Variants in RPRD1A observed in about 807,000 individuals in gnomAD.
The protein encoded by RPRD1A is regulation of nuclear pre-mRNA domain containing 1A.
Under a neutral mutation model 37.8 loss-of-function variants are expected in RPRD1A, and 9 were observed. The observed-to-expected ratio is 0.24, with a 90% CI of 0.14 to 0.42. The LOEUF (loss-of-function observed/expected upper bound fraction) is 0.42. RPRD1A is among the 10% of genes least tolerant of loss of function. RPRD1A has a pLI of 1.00. For synonymous variants in RPRD1A, 138 were observed against 139.7 expected (o/e 0.99, Z 0.08); for missense variants, 255 against 371.0 (o/e 0.69, Z 2.57).
intron 1 of RPRD1A, among the ~76,000 whole-genome samples, chr18:36,037,248 A>G (rs1195086544): frequency 6.6e-6 from 1 of 151,734 alleles, no homozygotes; most frequent in African/African-American, 2.4e-5. Flanking sequence ...CCATAATCCC[A>G]TGTCATAGGA....
chr18:36,011,734 AC>A (rs1910190676), intron 6 of RPRD1A, among the ~76,000 whole-genome samples: 1 of 152,206 alleles, frequency 6.6e-6, no homozygotes, highest in South Asian at 2.1e-4. Context: ...CCTTCCACAA[AC>A]AAAAAAGCTC....
At chr18:36,044,746 TAAA>T (rs1386497165) in intron 1 of RPRD1A, among the ~76,000 whole-genome samples, 3 of 151,614 alleles carry the variant, frequency 2.0e-5, no homozygotes, top group Non-Finnish European at 2.9e-5. Flanking sequence ...CTCTGGCAAA[TAAA>T]AGCAGGAAAT....
chr18:35,994,407 A>AAT (rs781268926), intron 6 of RPRD1A, among the ~76,000 whole-genome samples: 11 of 152,246 alleles, frequency 7.2e-5, no homozygotes, highest in Non-Finnish European at 1.5e-4. Context: ...AGGATAGAGC[A>AAT]ATGTCCTTTA....
chr18:36,015,006 ATGT>A (rs1334022870), intron 6 of RPRD1A, among the ~76,000 whole-genome samples: 1 of 151,950 alleles, frequency 6.6e-6, no homozygotes, highest in South Asian at 2.1e-4. Context: ...GGAATGCAAA[ATGT>A]TGTAGCACTA....
intron 1 of RPRD1A, among the ~76,000 whole-genome samples, chr18:36,061,526 A>G (rs1245133333): frequency 6.6e-6 from 1 of 152,236 alleles, no homozygotes; most frequent in Non-Finnish European, 1.5e-5. Flanking sequence ...TGTGTGTAGA[A>G]AAGAGCCCAA....
chr18:36,049,712 T>C (rs775752347), intron 1 of RPRD1A, among the ~76,000 whole-genome samples: 1 of 152,228 alleles, frequency 6.6e-6, no homozygotes, highest in African/African-American at 2.4e-5. Flanking sequence ...CATTTATCTG[T>C]TGTTGGACAC....
intron 1 of RPRD1A, among the ~76,000 whole-genome samples, chr18:36,035,199 G>A (rs1198522969): frequency 6.6e-6 from 1 of 152,072 alleles, no homozygotes; most frequent in African/African-American, 2.4e-5. Flanking sequence ...AAAATAGATT[G>A]GTATTGTTCA....
At chr18:36,064,822 C>G (rs1265377341) in intron 1 of RPRD1A, among the ~76,000 whole-genome samples, 1 of 152,196 alleles carries the variant, frequency 6.6e-6, no homozygotes, top group Non-Finnish European at 1.5e-5. Flanking sequence ...GCTGCTCACT[C>G]TTTGGGTCCC....
intron 6 of RPRD1A, among the ~76,000 whole-genome samples, chr18:36,016,456 C>T (rs1910582369): frequency 6.6e-6 from 1 of 152,172 alleles, no homozygotes; most frequent in Non-Finnish European, 1.5e-5. Context: ...CTCCTGACCT[C>T]AGATGATCCG....
At chr18:36,050,864 T>C (rs534584143) in intron 1 of RPRD1A, among the ~76,000 whole-genome samples, 1 of 150,140 alleles carries the variant, frequency 6.7e-6, no homozygotes, top group Non-Finnish European at 1.5e-5. Context: ...TTTTCTTTTC[T>C]TTTCTTTTTT....
At chr18:35,994,308 A>G (rs1908889895) in intron 6 of RPRD1A, among the ~76,000 whole-genome samples, 1 of 152,200 alleles carries the variant, frequency 6.6e-6, no homozygotes, top group Non-Finnish European at 1.5e-5. Context: ...ATGAGGAAAC[A>G]TCTAAGGAAG....
At chr18:36,016,326 G>T (rs1474455347) in intron 6 of RPRD1A, among the ~76,000 whole-genome samples, 1 of 152,132 alleles carries the variant, frequency 6.6e-6, no homozygotes, top group South Asian at 2.1e-4. Context: ...GGGTTCAAGC[G>T]ATTCTCCTGT....
intron 1 of RPRD1A, among the ~76,000 whole-genome samples, chr18:36,064,808 T>C (rs2088991790): frequency 6.6e-6 from 1 of 152,150 alleles, no homozygotes; most frequent in African/African-American, 2.4e-5. Context: ...CAATAAATCT[T>C]GCTGCTGCTC....
intron 2 of RPRD1A, among the ~76,000 whole-genome samples, chr18:36,032,955 G>A (rs1330726386): frequency 6.6e-6 from 1 of 152,164 alleles, no homozygotes; most frequent in Admixed American, 6.6e-5. Flanking sequence ...AGTCATTACG[G>A]TGTGGAGAAT....
chr18:36,065,653 T>G (rs1283124210), intron 1 of RPRD1A, among the ~76,000 whole-genome samples: 1 of 152,226 alleles, frequency 6.6e-6, no homozygotes, highest in African/African-American at 2.4e-5. Flanking sequence ...CTTCATCAAC[T>G]AAGTTGATCT....
chr18:36,010,418 AG>A (rs1910104891), intron 6 of RPRD1A, among the ~76,000 whole-genome samples: 1 of 152,196 alleles, frequency 6.6e-6, no homozygotes, highest in Non-Finnish European at 1.5e-5. Flanking sequence ...GCTTGAGCCC[AG>A]GAGCTCAAAA....
chr18:36,040,746 A>T, intron 1 of RPRD1A: 1 of 1,054,446 alleles, frequency 9.5e-7, no homozygotes, highest in East Asian at 2.8e-5. Context: ...ATCCCTAAAA[A>T]TTTCTAAGCT....
At chr18:36,056,999 G>C (rs1232931068) in intron 1 of RPRD1A, among the ~76,000 whole-genome samples, 3 of 137,634 alleles carry the variant, frequency 2.2e-5, no homozygotes, top group Non-Finnish European at 4.5e-5. Context: ...AGGATCATCT[G>C]AGCCCAGGAG....
At chr18:36,010,616 C>T (rs563450811) in intron 6 of RPRD1A, among the ~76,000 whole-genome samples, 1 of 152,290 alleles carries the variant, frequency 6.6e-6, no homozygotes, top group East Asian at 1.9e-4. Flanking sequence ...CTAAATCAGG[C>T]AAGGAAATGG....
Sources: gnomAD v4.1 joint callset for allele counts (sites outside exome capture counted in the v4.1 genomes callset) on GRCh38, gnomAD v4.1.1 for gene constraint, MANE v1.5 for transcripts, NCBI Gene and HGNC (gene_info 2026-07-23, HGNC 2026-07-21) for gene names.